ADAMTS17: variants seen among roughly 807,000 people sequenced by gnomAD.
ADAMTS17 encodes the protein A disintegrin and metalloproteinase with thrombospondin motifs 17.
ADAMTS17 carries 113 observed loss-of-function variants against 141.5 expected under a neutral mutation model. The ratio of observed to expected loss-of-function variants is 0.80; its 90% CI spans 0.69 to 0.93. The LOEUF is 0.93. ADAMTS17 is among the 40% of genes least tolerant of loss of function. The pLI, the probability that ADAMTS17 is intolerant of heterozygous loss-of-function variation, is 0.00. For missense variants in ADAMTS17, 1,659 were observed against 1,517.9 expected, an observed-to-expected ratio of 1.09 and a Z score of -1.54; for synonymous variants, 768 against 630.6, an observed-to-expected ratio of 1.22 and a Z score of -3.27.
intron 18 of ADAMTS17, among the ~76,000 whole-genome samples, chr15:100,040,273 C>T (rs1242503803): frequency 6.6e-6 from 1 of 152,226 alleles, no homozygotes; most frequent in Non-Finnish European, 1.5e-5. Flanking sequence ...AACCCTTCCA[C>T]TGTTGCCCTT....
At position 100,009,596 on chromosome 15, in the gene ADAMTS17, A is replaced by G. The variant is rs1471946299; in HGVS notation, c.2592-12007T>C. 2.6e-5 allele frequency among the ~76,000 whole-genome samples: 4 copies of G among 152,166 alleles called. No homozygotes were observed. In the East Asian group the frequency reaches 7.7e-4, roughly 29 times the overall value. On this transcript the variant is annotated intron_variant, in intron 18 of 21. Coordinates refer to ENST00000268070, the MANE Select transcript of ADAMTS17 (RefSeq NM_139057.4). ...GGCGTGACTCAGGTGACCTCTACCGAGCACTCAGCCCAGGCCTGACACTCC... is the reference window on the plus strand; with the variant it reads ...GGCGTGACTCAGGTGACCTCTACCGGGCACTCAGCCCAGGCCTGACACTCC...
At chr15:100,123,410 T>C (rs969660508) in intron 12 of ADAMTS17, among the ~76,000 whole-genome samples, 1 of 152,184 alleles carries the variant, frequency 6.6e-6, no homozygotes, top group Non-Finnish European at 1.5e-5. Flanking sequence ...TGAAGGTGGG[T>C]CCAGTCTTTC....
At chr15:100,080,096 G>C (rs902190905) in intron 15 of ADAMTS17, among the ~76,000 whole-genome samples, 1 of 151,898 alleles carries the variant, frequency 6.6e-6, no homozygotes, top group Non-Finnish European at 1.5e-5. Flanking sequence ...GAATCAAGGG[G>C]TGAAACTGAA....
At chr15:100,087,222 A>G (rs1453663141) in intron 15 of ADAMTS17, among the ~76,000 whole-genome samples, 1 of 152,230 alleles carries the variant, frequency 6.6e-6, no homozygotes, top group Non-Finnish European at 1.5e-5. Flanking sequence ...CTACACAAAT[A>G]AACTAGAAAA....
chr15:100,102,672 A>G (rs2036188291), intron 14 of ADAMTS17, among the ~76,000 whole-genome samples: 1 of 152,154 alleles, frequency 6.6e-6, no homozygotes, highest in Non-Finnish European at 1.5e-5. Flanking sequence ...TTCCTTTCGT[A>G]ACTAGTGCGA....
chr15:100,019,667 G>A (rs1218045963), intron 18 of ADAMTS17, among the ~76,000 whole-genome samples: 1 of 152,182 alleles, frequency 6.6e-6, no homozygotes, highest in Non-Finnish European at 1.5e-5. Flanking sequence ...GAGTCTTACT[G>A]CAATCTCCTG....
intron 12 of ADAMTS17, among the ~76,000 whole-genome samples, chr15:100,123,962 T>C (rs2037584929): frequency 4.0e-5 from 6 of 148,838 alleles, no homozygotes; most frequent in African/African-American, 1.5e-4. Context: ...AGTTTTTCTG[T>C]TCTAGGACTT....
At chr15:100,234,993 T>C (rs141048519) in intron 7 of ADAMTS17, among the ~76,000 whole-genome samples, 4 of 152,224 alleles carry the variant, frequency 2.6e-5, no homozygotes, top group African/African-American at 7.2e-5. Flanking sequence ...CTGAATTGGC[T>C]TAAGAAGAAA....
intron 7 of ADAMTS17, among the ~76,000 whole-genome samples, chr15:100,201,491 T>C (rs578201595): frequency 2.0e-5 from 3 of 152,338 alleles, no homozygotes; most frequent in East Asian, 1.9e-4. Flanking sequence ...AGTATCTTTA[T>C]AGCAGCATGA....
intron 7 of ADAMTS17, among the ~76,000 whole-genome samples, chr15:100,250,838 C>A (rs1379292326): frequency 6.6e-6 from 1 of 152,160 alleles, no homozygotes; most frequent in African/African-American, 2.4e-5. Context: ...ATAGGTACAA[C>A]AGACCTCTCT....
Position 100,048,959 on chromosome 15 carries a change from AT to A in ADAMTS17, c.2488del (p.Ile830LeufsTer9). 1 of 1,614,152 alleles carries A rather than the reference AT, an allele frequency of 6.2e-7. No homozygotes were observed. Among genetic ancestry groups the A allele is most frequent in the Non-Finnish European group, 8.5e-7 (1 of 1,180,028 alleles). ...ERRTIVSCTR[I>X]VNKTTTLVND... Reference sequence around the variant, plus strand: ...CACCAGAGTTGTGGTCTTGTTGACAATCCGTGTACACGAGACGATGGTTCTG... The same window carrying A: ...CACCAGAGTTGTGGTCTTGTTGACAACCGTGTACACGAGACGATGGTTCTG... On this transcript the variant is annotated frameshift_variant, in exon 18 of 22. Coordinates refer to ENST00000268070, the MANE Select transcript of ADAMTS17 (RefSeq NM_139057.4). LOFTEE classifies it high-confidence loss of function.
intron 7 of ADAMTS17, among the ~76,000 whole-genome samples, chr15:100,204,807 G>A (rs759465382): frequency 2.4e-4 from 36 of 152,192 alleles, no homozygotes; most frequent in East Asian, 9.6e-4. Context: ...TAGCTGAGGC[G>A]GAAGGGGCTG....
chr15:99,987,962 A>T (rs556495371), intron 20 of ADAMTS17, among the ~76,000 whole-genome samples: 17 of 151,988 alleles, frequency 1.1e-4, no homozygotes, highest in Non-Finnish European at 2.2e-4. Context: ...TACACCATAC[A>T]CACACATGGT....
chr15:100,141,305 A>T (rs1210074344), intron 10 of ADAMTS17, among the ~76,000 whole-genome samples: 2 of 152,062 alleles, frequency 1.3e-5, no homozygotes, highest in African/African-American at 4.8e-5. Context: ...ACTTTTCTTC[A>T]ACTGGTGGTG....
intron 3 of ADAMTS17, among the ~76,000 whole-genome samples, chr15:100,327,591 T>A (rs1257808878): frequency 6.6e-6 from 1 of 152,128 alleles, no homozygotes; most frequent in Non-Finnish European, 1.5e-5. Context: ...AGTATGAAAA[T>A]GCTGGGAGGA....
At chr15:100,252,101 C>T (rs553250366) in intron 7 of ADAMTS17, among the ~76,000 whole-genome samples, 24 of 152,314 alleles carry the variant, frequency 1.6e-4, no homozygotes, top group African/African-American at 5.1e-4. Context: ...AAGTAGCTGC[C>T]TGCTCTTCAC....
At chr15:100,013,668 T>G (rs1037871252) in intron 18 of ADAMTS17, among the ~76,000 whole-genome samples, 4 of 152,236 alleles carry the variant, frequency 2.6e-5, no homozygotes, top group African/African-American at 4.8e-5. Context: ...TAAATTCTAT[T>G]TATGTGGTGT....
At chr15:100,237,060 T>C (rs533111499) in intron 7 of ADAMTS17, among the ~76,000 whole-genome samples, 1 of 152,212 alleles carries the variant, frequency 6.6e-6, no homozygotes, top group Admixed American at 6.5e-5. Flanking sequence ...GCCAAATTCC[T>C]CAGGCCCCCA....
At chr15:100,237,142 C>T (rs945728092) in intron 7 of ADAMTS17, among the ~76,000 whole-genome samples, 2 of 152,194 alleles carry the variant, frequency 1.3e-5, no homozygotes, top group East Asian at 3.8e-4. Flanking sequence ...CCAGGTTCCT[C>T]CCAGCTCCAC....
Sources: allele counts gnomAD v4.1 joint callset (sites outside exome capture counted in the v4.1 genomes callset), GRCh38; gene constraint gnomAD v4.1.1; transcripts MANE v1.5; gene names NCBI Gene and HGNC (gene_info 2026-07-23, HGNC 2026-07-21).